The following MATN2 variants were observed in gnomAD, a reference collection of about 807,000 sequenced individuals.
The protein encoded by MATN2 is matrilin 2, also known as matrilin-2.
Under a neutral mutation model 103.2 loss-of-function variants are expected in MATN2, and 69 were observed. The ratio of observed to expected loss-of-function variants is 0.67; its 90% CI spans 0.55 to 0.82. The LOEUF is 0.82. MATN2 is among the 40% of genes least tolerant of loss of function. The pLI, the probability that MATN2 is intolerant of heterozygous loss-of-function variation, is 0.00. For missense variants in MATN2, 1,023 were observed against 1,211.5 expected (o/e 0.84, Z 2.31); for synonymous variants, 429 against 450.2 (o/e 0.95, Z 0.60).
chr8:98,032,308 C>A lies in MATN2; in HGVS notation c.2572C>A (p.Gln858Lys), dbSNP rs1360912593. The A allele has an allele frequency of 3.1e-6, 5 of 1,610,322 alleles. No homozygotes were observed. The highest frequency in any genetic ancestry group is 4.2e-6 in the Non-Finnish European group (5 of 1,178,134). ...PAGELPKTVQ[Q>K]PTESEPVTIN... Reference sequence around the variant, plus strand: ...AGGGGAACTGCCAAAAACGGTCCAACAGCCAACAGGTACAGTTTTTAAGGC... The same window carrying A: ...AGGGGAACTGCCAAAAACGGTCCAAAAGCCAACAGGTACAGTTTTTAAGGC... The change falls in exon 16 of 19, where the codon CAG (glutamine) becomes AAG (lysine). Residue 858 changes from glutamine (Q) to lysine (K), a missense_variant. Transcript: ENST00000254898.
intron 2 of MATN2, among the ~76,000 whole-genome samples, chr8:97,900,804 G>A (rs1401681297): frequency 5.3e-5 from 8 of 152,012 alleles, no homozygotes; most frequent in South Asian, 2.1e-4. Context: ...GTGTGGTGGC[G>A]GGCACCTGTA....
intron 6 of MATN2, 70 bp downstream of exon 6, chr8:97,979,078 A>G: frequency 6.7e-7 from 1 of 1,499,842 alleles, no homozygotes; most frequent in Non-Finnish European, 9.0e-7. Context: ...TGACCATGGA[A>G]CTCTCTCAAG....
rs182307428 is a variant in MATN2 at position 97,896,622 on chromosome 8, G to C, written c.142+8380G>C. Among the ~76,000 whole-genome samples the C allele has an allele frequency of 3.8e-3, 578 of 151,842 alleles. 2 individuals carry two copies. The highest frequency in any genetic ancestry group is 7.0e-3 in the Non-Finnish European group (475 of 67,906). The stretch of plus-strand genomic sequence containing the variant: ...TCAGATAATGCAGGGCTAGGCAATG[G>C]GATCAGGCAACACAACAGGGCTAGG... On this transcript the variant is annotated intron_variant, in intron 2 of 18. Transcript: ENST00000254898.
chr8:98,032,417 A>G (rs1814067510), intron 16 of MATN2, 100 bp downstream of exon 16: 3 of 884,692 alleles, frequency 3.4e-6, no homozygotes, highest in Admixed American at 5.1e-5. Flanking sequence ...GTATGTTCAA[A>G]TTATGATAAT....
At chr8:97,995,984 TC>T (rs1415126585) in intron 7 of MATN2, among the ~76,000 whole-genome samples, 44 of 152,342 alleles carry the variant, frequency 2.9e-4, no homozygotes, top group African/African-American at 1.1e-3. Flanking sequence ...GTCTGGCCAC[TC>T]CTCTGTGCTA....
intron 1 of MATN2, among the ~76,000 whole-genome samples, chr8:97,874,946 G>T (rs569440307): frequency 4.6e-5 from 7 of 152,118 alleles, no homozygotes; most frequent in African/African-American, 1.4e-4. Flanking sequence ...TCGAACTTTT[G>T]ACCTTGTGAT....
chr8:97,903,928 A>G (rs566233756), intron 2 of MATN2, among the ~76,000 whole-genome samples: 2 of 152,332 alleles, frequency 1.3e-5, no homozygotes, highest in Admixed American at 6.5e-5. Flanking sequence ...TGGTTTGATA[A>G]TGCAATGGAT....
chr8:97,898,070 A>T (rs774800295), intron 2 of MATN2, among the ~76,000 whole-genome samples: 1 of 150,974 alleles, frequency 6.6e-6, no homozygotes, highest in Non-Finnish European at 1.5e-5. Context: ...CCCCTTCCTC[A>T]TTCCCTTCTT....
chr8:97,984,292 A>G (rs970274952), intron 6 of MATN2, among the ~76,000 whole-genome samples: 2 of 152,228 alleles, frequency 1.3e-5, no homozygotes, highest in African/African-American at 4.8e-5. Flanking sequence ...GACTGAGCTG[A>G]TATCTATTTC....
At chr8:98,013,832 G>T (rs1813264877) in intron 10 of MATN2, among the ~76,000 whole-genome samples, 1 of 152,220 alleles carries the variant, frequency 6.6e-6, no homozygotes. Flanking sequence ...TTGCAGATAA[G>T]GTGTGGTGGC....
At chr8:98,019,536 C>G (rs1250599488) in intron 12 of MATN2, among the ~76,000 whole-genome samples, 1 of 152,198 alleles carries the variant, frequency 6.6e-6, no homozygotes. Flanking sequence ...AAAATTAGCT[C>G]ACAGCATCAT....
chr8:97,889,567 T>C (rs1279813498), intron 2 of MATN2, among the ~76,000 whole-genome samples: 2 of 150,258 alleles, frequency 1.3e-5, no homozygotes, highest in Non-Finnish European at 3.0e-5. Flanking sequence ...CCACAGCCTC[T>C]TGAGTAGCTG....
At chr8:97,944,932 C>T (rs930098921) in intron 4 of MATN2, among the ~76,000 whole-genome samples, 1 of 152,238 alleles carries the variant, frequency 6.6e-6, no homozygotes, top group Non-Finnish European at 1.5e-5. Context: ...GCACCTCTTA[C>T]TCTCTAAGAA....
intron 4 of MATN2, 113 bp downstream of exon 4, chr8:97,942,012 A>C: frequency 7.5e-7 from 1 of 1,324,794 alleles, no homozygotes; most frequent in Non-Finnish European, 1.1e-6. Flanking sequence ...CCCAGTTATC[A>C]TCCCTTGGGG....
intron 5 of MATN2, among the ~76,000 whole-genome samples, chr8:97,977,322 C>T (rs1006999617): frequency 1.6e-4 from 23 of 147,522 alleles, no homozygotes; most frequent in African/African-American, 5.0e-4. Flanking sequence ...GTGTTTGGGT[C>T]GTAGGGACAG....
intron 2 of MATN2, among the ~76,000 whole-genome samples, chr8:97,914,648 C>T (rs1809562746): frequency 6.6e-6 from 1 of 151,724 alleles, no homozygotes; most frequent in African/African-American, 2.4e-5. Flanking sequence ...GCCACTGTGC[C>T]CTGCCTGAAG....
intron 6 of MATN2, among the ~76,000 whole-genome samples, chr8:97,981,917 A>G (rs1255001166): frequency 6.6e-6 from 1 of 151,422 alleles, no homozygotes; most frequent in Non-Finnish European, 1.5e-5. Flanking sequence ...GGACTGGGAG[A>G]GGAGGTTTGG....
intron 4 of MATN2, among the ~76,000 whole-genome samples, chr8:97,948,880 G>A (rs1463484930): frequency 6.6e-6 from 1 of 151,844 alleles, no homozygotes; most frequent in African/African-American, 2.4e-5. Flanking sequence ...TAATCACAAT[G>A]AAAACATTTG....
At chr8:97,948,252 C>A (rs1810818354) in intron 4 of MATN2, among the ~76,000 whole-genome samples, 2 of 152,104 alleles carry the variant, frequency 1.3e-5, no homozygotes, top group Admixed American at 1.3e-4. Flanking sequence ...CTGGGTGACT[C>A]AAATTTTTTG....
Sources: gnomAD v4.1 joint callset for allele counts (sites outside exome capture counted in the v4.1 genomes callset) on GRCh38, gnomAD v4.1.1 for gene constraint, MANE v1.5 for transcripts, NCBI Gene and HGNC (gene_info 2026-07-23, HGNC 2026-07-21) for gene names.